STPG2: variants seen among roughly 807,000 people sequenced by gnomAD.
The protein encoded by STPG2 is sperm-tail PG-rich repeat-containing protein 2.
STPG2 carries 56 observed loss-of-function variants against 54.2 expected under a neutral mutation model. That is an observed-to-expected ratio of 1.03 (90% CI 0.83 to 1.29). The LOEUF (loss-of-function observed/expected upper bound fraction) is 1.29. Ranked by LOEUF, STPG2 falls within the 50% of genes most tolerant of loss-of-function variation. The probability of loss-of-function intolerance (pLI) is 0.00; values close to 1 mark genes in which losing one functional copy is unlikely to be tolerated. For synonymous variants in STPG2, 200 were observed against 181.8 expected (o/e 1.10, Z -0.81); for missense variants, 596 against 544.9 (o/e 1.09, Z -0.93).
At chr4:97,554,048 T>C (rs1560657188), downstream of STPG2, among the ~76,000 whole-genome samples, 1 of 152,228 alleles carries the variant, frequency 6.6e-6, no homozygotes, top group African/African-American at 2.4e-5. Context: ...TCTTCTAAAG[T>C]GTCATTATAA....
chr4:97,914,450 G>T (rs1731799642), intron 8 of STPG2, among the ~76,000 whole-genome samples: 1 of 152,086 alleles, frequency 6.6e-6, no homozygotes, highest in African/African-American at 2.4e-5. Context: ...CACATAAAAT[G>T]TATCATTTTT....
At chr4:97,530,646 T>A (rs1462546183) in intron 4 of STPG2, among the ~76,000 whole-genome samples, 2 of 152,208 alleles carry the variant, frequency 1.3e-5, no homozygotes, top group Non-Finnish European at 1.5e-5. Context: ...TTCACAACTA[T>A]CTGCACTGAA....
intron 7 of STPG2, among the ~76,000 whole-genome samples, chr4:97,965,209 G>C (rs970214655): frequency 2.0e-5 from 3 of 152,196 alleles, no homozygotes; most frequent in African/African-American, 7.2e-5. Flanking sequence ...GGCTCGATGG[G>C]TCCCATGCCC....
intron 10 of STPG2, among the ~76,000 whole-genome samples, chr4:97,573,795 G>T (rs1267814692): frequency 6.6e-6 from 1 of 152,068 alleles, no homozygotes; most frequent in Non-Finnish European, 1.5e-5. Flanking sequence ...TGGCAGGCCA[G>T]GTCTCACTAA....
At chr4:97,587,688 T>G (rs939250125) in intron 10 of STPG2, among the ~76,000 whole-genome samples, 1 of 151,960 alleles carries the variant, frequency 6.6e-6, no homozygotes, top group Non-Finnish European at 1.5e-5. Context: ...TAAAATGTCT[T>G]AAATTTCTGT....
intron 4 of STPG2, among the ~76,000 whole-genome samples, chr4:97,441,772 G>T (rs1446777967): frequency 1.3e-5 from 2 of 151,934 alleles, no homozygotes; most frequent in Admixed American, 6.6e-5. Flanking sequence ...CTCTGCTGAA[G>T]ATTTGAGTAC....
chr4:97,785,197 G>T (rs1464035792), intron 9 of STPG2, among the ~76,000 whole-genome samples: 1 of 151,806 alleles, frequency 6.6e-6, no homozygotes, highest in African/African-American at 2.4e-5. Context: ...TTTGATAATA[G>T]AAATTAAATG....
At chr4:98,086,401 T>C (rs1358012177) in intron 5 of STPG2, among the ~76,000 whole-genome samples, 1 of 152,020 alleles carries the variant, frequency 6.6e-6, no homozygotes, top group Non-Finnish European at 1.5e-5. Flanking sequence ...AAGAAAAATA[T>C]TTTTTAAAAA....
At chr4:97,752,094 AC>A (rs1291516061) in intron 9 of STPG2, among the ~76,000 whole-genome samples, 1 of 151,726 alleles carries the variant, frequency 6.6e-6, no homozygotes, top group East Asian at 1.9e-4. Context: ...CTTATACAAA[AC>A]CCTTATGATT....
chr4:97,749,094 A>C (rs993376655), intron 9 of STPG2, among the ~76,000 whole-genome samples: 3 of 151,666 alleles, frequency 2.0e-5, no homozygotes, highest in Non-Finnish European at 4.4e-5. Flanking sequence ...AAGGGACTTC[A>C]AATTAGTGTG....
At chr4:98,057,244 A>G (rs1052423034) in intron 5 of STPG2, among the ~76,000 whole-genome samples, 1 of 152,246 alleles carries the variant, frequency 6.6e-6, no homozygotes, top group Non-Finnish European at 1.5e-5. Context: ...CAGAATATGG[A>G]TAGGAATGAA....
chr4:97,645,463 C>T (rs530183012), intron 10 of STPG2, among the ~76,000 whole-genome samples: 1 of 152,100 alleles, frequency 6.6e-6, no homozygotes, highest in Admixed American at 6.6e-5. Flanking sequence ...TAAGAGACTG[C>T]GGCTATCAGA....
chr4:97,640,742 A>C (rs954942455), intron 10 of STPG2, among the ~76,000 whole-genome samples: 2 of 151,652 alleles, frequency 1.3e-5, no homozygotes, highest in Non-Finnish European at 3.0e-5. Flanking sequence ...AACACATATA[A>C]AATTGTTAAA....
chr4:98,010,377 C>T (rs1240550373), intron 5 of STPG2, among the ~76,000 whole-genome samples: 1 of 151,994 alleles, frequency 6.6e-6, no homozygotes, highest in Non-Finnish European at 1.5e-5. Flanking sequence ...ATATAATGAC[C>T]TTCTTTGTCT....
intron 8 of STPG2, among the ~76,000 whole-genome samples, chr4:97,918,160 G>C (rs1441007806): frequency 1.3e-5 from 2 of 152,070 alleles, no homozygotes; most frequent in East Asian, 3.8e-4. Context: ...TTATTAGACT[G>C]AGAAAGAAAA....
At chr4:97,555,543 G>A (rs1184373065), downstream of STPG2, among the ~76,000 whole-genome samples, 1 of 152,060 alleles carries the variant, frequency 6.6e-6, no homozygotes, top group Non-Finnish European at 1.5e-5. Flanking sequence ...GAATGATGGT[G>A]AGACATCACA....
rs375195085 is a variant in STPG2, at chr4:98,056,626, GA to G, written c.612+49326del. ...TCAAACCCTCCAGGTCATCAAAAAG[GA>G]AAAAAAAAACACACACATCCAAAGG... On this transcript the variant is annotated intron_variant, in intron 5 of 10. Transcript: ENST00000295268. Among the ~76,000 whole-genome samples the G allele has an allele frequency of 5.9e-3, 877 of 149,226 alleles. 6 individuals carry two copies. Among genetic ancestry groups the G allele is most frequent in the African/African-American group, 0.02 (807 of 40,762 alleles).
chr4:98,129,702 G>T (rs1311334557), intron 2 of STPG2, among the ~76,000 whole-genome samples: 2 of 152,080 alleles, frequency 1.3e-5, no homozygotes, highest in East Asian at 3.8e-4. Context: ...TCAAATAAAA[G>T]TACTGGCATT....
chr4:97,913,476 T>C (rs1026517850), intron 8 of STPG2, among the ~76,000 whole-genome samples: 1 of 152,196 alleles, frequency 6.6e-6, no homozygotes, highest in Non-Finnish European at 1.5e-5. Flanking sequence ...AGGAAGACGA[T>C]AGGCTATAGA....
Sources: allele counts gnomAD v4.1 joint callset (sites outside exome capture counted in the v4.1 genomes callset), GRCh38; gene constraint gnomAD v4.1.1; transcripts MANE v1.5; gene names NCBI Gene and HGNC (gene_info 2026-07-23, HGNC 2026-07-21).